LTBP1: variants seen among roughly 807,000 people sequenced by gnomAD.
LTBP1 encodes latent transforming growth factor beta binding protein 1.
A neutral mutation model predicts 207.6 loss-of-function variants in LTBP1; 129 were observed. The observed-to-expected ratio is 0.62, with a 90% CI of 0.54 to 0.72. LTBP1 has a LOEUF of 0.72. LTBP1 is among the 30% of genes least tolerant of loss of function. LTBP1 has a pLI of 0.00. For synonymous variants in LTBP1, 963 were observed against 833.7 expected (o/e 1.16, Z -2.67); for missense variants, 2,281 against 2,217.2 (o/e 1.03, Z -0.58).
At chr2:33,385,596 A>T (rs1427366708) in intron 31 of LTBP1, among the ~76,000 whole-genome samples, 1 of 152,200 alleles carries the variant, frequency 6.6e-6, no homozygotes, top group Non-Finnish European at 1.5e-5. Context: ...ACAGATGTGG[A>T]AACTGAGGCT....
chr2:33,280,730 T>TTTCATTCA (rs1345085167), intron 19 of LTBP1, among the ~76,000 whole-genome samples: 1 of 152,206 alleles, frequency 6.6e-6, no homozygotes, highest in Non-Finnish European at 1.5e-5. Context: ...GAGTTAAACT[T>TTTCATTCA]TTCATTCATT....
intron 19 of LTBP1, among the ~76,000 whole-genome samples, chr2:33,288,868 AAAG>A (rs1415587215): frequency 1.3e-5 from 2 of 152,018 alleles, no homozygotes; most frequent in African/African-American, 4.8e-5. Flanking sequence ...AAAAAAAAAA[AAAG>A]AAAAAAGAAA....
rs565293251 is a variant in LTBP1, at chr2:33,155,210, C to T, written c.1201+20250C>T. The stretch of plus-strand genomic sequence containing the variant: ...TCTCACTCAAGATTGGAACTACAGG[C>T]GCGCGCCACCATGCCTGGCTAATTT... On this transcript the variant is annotated intron_variant, in intron 5 of 33. Transcript: ENST00000404816. Among the ~76,000 whole-genome samples the T allele has an allele frequency of 7.9e-5, 12 of 152,150 alleles. 2 individuals carry two copies. Among genetic ancestry groups the T allele is most frequent in the African/African-American group, 2.4e-4 (10 of 41,500 alleles).
intron 17 of LTBP1, 120 bp downstream of exon 17, chr2:33,275,210 T>A (rs2093400878): frequency 8.4e-7 from 1 of 1,190,146 alleles, no homozygotes. Flanking sequence ...ACAATTATCA[T>A]GACAGCAGTC....
intron 3 of LTBP1, among the ~76,000 whole-genome samples, chr2:33,055,575 G>A (rs1054635955): frequency 3.9e-5 from 6 of 152,146 alleles, no homozygotes; most frequent in Non-Finnish European, 5.9e-5. Context: ...TAAGATACCA[G>A]GTGTCTCCAA....
At chr2:33,161,602 C>T (rs2084476667) in intron 5 of LTBP1, among the ~76,000 whole-genome samples, 1 of 152,174 alleles carries the variant, frequency 6.6e-6, no homozygotes, top group Non-Finnish European at 1.5e-5. Context: ...CTGTTCTTAC[C>T]TTCTGCAAAC....
intron 2 of LTBP1, among the ~76,000 whole-genome samples, chr2:33,006,942 G>T (rs1686984207): frequency 6.6e-6 from 1 of 152,174 alleles, no homozygotes; most frequent in Non-Finnish European, 1.5e-5. Flanking sequence ...TCACAGTGAG[G>T]CTTCAACTGC....
At chr2:33,216,434 G>C (rs993946246) in intron 7 of LTBP1, among the ~76,000 whole-genome samples, 5 of 152,182 alleles carry the variant, frequency 3.3e-5, no homozygotes, top group African/African-American at 1.2e-4. Flanking sequence ...GCAGGATAGA[G>C]GTGGATGGGG....
intron 26 of LTBP1, among the ~76,000 whole-genome samples, chr2:33,358,827 A>G (rs1261234687): frequency 6.6e-6 from 1 of 152,168 alleles, no homozygotes; most frequent in African/African-American, 2.4e-5. Flanking sequence ...TAGGGCTCAT[A>G]ATTGATTTAA....
At chr2:33,179,328 T>C (rs2086389114) in intron 5 of LTBP1, among the ~76,000 whole-genome samples, 2 of 152,188 alleles carry the variant, frequency 1.3e-5, no homozygotes, top group African/African-American at 4.8e-5. Context: ...TTAAAACTAA[T>C]GGTTACTATG....
intron 7 of LTBP1, among the ~76,000 whole-genome samples, chr2:33,206,537 G>A (rs1415323548): frequency 1.3e-5 from 2 of 151,976 alleles, no homozygotes; most frequent in African/African-American, 2.4e-5. Flanking sequence ...TTAGGAGATC[G>A]AGACCATCCT....
At chr2:33,222,619 A>G (rs1381097262) in intron 9 of LTBP1, among the ~76,000 whole-genome samples, 1 of 152,200 alleles carries the variant, frequency 6.6e-6, no homozygotes, top group Non-Finnish European at 1.5e-5. Flanking sequence ...TGCCTAGGCA[A>G]TAAGAAAAGC....
chr2:33,082,307 A>G (rs2078456230), intron 3 of LTBP1, among the ~76,000 whole-genome samples: 1 of 152,156 alleles, frequency 6.6e-6, no homozygotes, highest in Admixed American at 6.5e-5. Context: ...GAGCCAGTCA[A>G]TTTCTGCTCA....
chr2:33,111,332 A>G (rs1306662407), intron 4 of LTBP1, among the ~76,000 whole-genome samples: 1 of 152,102 alleles, frequency 6.6e-6, no homozygotes, highest in Non-Finnish European at 1.5e-5. Flanking sequence ...GAATGTGATG[A>G]TTTGTGGTTT....
At chr2:33,266,566 C>G (rs1314121488) in intron 15 of LTBP1, among the ~76,000 whole-genome samples, 1 of 152,258 alleles carries the variant, frequency 6.6e-6, no homozygotes, top group East Asian at 1.9e-4. Context: ...TCTAGGCCCT[C>G]CATGATCACC....
At chr2:33,103,183 G>A (rs970990626) in intron 3 of LTBP1, among the ~76,000 whole-genome samples, 2 of 151,908 alleles carry the variant, frequency 1.3e-5, no homozygotes, top group Non-Finnish European at 2.9e-5. Context: ...TCTGTATGCT[G>A]TATGCACTGT....
In LTBP1 at chr2:33,276,550, T is replaced by C. The variant is rs140271679; in HGVS notation, c.2992+627T>C. Among the ~76,000 whole-genome samples, 5 of 152,382 alleles carry C rather than the reference T, an allele frequency of 3.3e-5. No individual in the cohort carries two copies. In the East Asian group the frequency reaches 9.6e-4, roughly 29 times the overall value. On this transcript the variant is annotated intron_variant, in intron 18 of 33. Coordinates refer to ENST00000404816, the MANE Select transcript of LTBP1 (RefSeq NM_206943.4). ...TTGTGTCCAAGTTGCTCTGGTTCTT[T>C]TTGAAACCAATGTAGTGAGGCCAGG...
intron 4 of LTBP1, among the ~76,000 whole-genome samples, chr2:33,132,153 G>A (rs1352922558): frequency 6.6e-6 from 1 of 152,192 alleles, no homozygotes; most frequent in African/African-American, 2.4e-5. Flanking sequence ...GTGGGAAAAT[G>A]TTGTCTCTTT....
intron 31 of LTBP1, among the ~76,000 whole-genome samples, chr2:33,385,587 C>T (rs1346695217): frequency 6.6e-6 from 1 of 152,132 alleles, no homozygotes; most frequent in Non-Finnish European, 1.5e-5. Context: ...TCCTGTGTTA[C>T]AGATGTGGAA....
Sources: gnomAD v4.1 joint callset for allele counts (sites outside exome capture counted in the v4.1 genomes callset) on GRCh38, gnomAD v4.1.1 for gene constraint, MANE v1.5 for transcripts, NCBI Gene and HGNC (gene_info 2026-07-23, HGNC 2026-07-21) for gene names.